CAMTA1: variants seen among roughly 807,000 people sequenced by gnomAD.
CAMTA1 encodes calmodulin binding transcription activator 1.
A neutral mutation model predicts 170.9 loss-of-function variants in CAMTA1; 27 were observed. The observed-to-expected ratio is 0.16, with a 90% CI of 0.12 to 0.22. The LOEUF (loss-of-function observed/expected upper bound fraction) is 0.22, where lower values mean the gene tolerates loss of function less well. Among genes scored for constraint, CAMTA1 ranks in the 10% least tolerant of loss-of-function variants. The pLI is 1.00. For synonymous variants in CAMTA1, 833 were observed against 891.5 expected (o/e 0.93, Z 1.17); for missense variants, 1,619 against 2,217.2 (o/e 0.73, Z 5.42).
intron 4 of CAMTA1, among the ~76,000 whole-genome samples, chr1:7,210,078 G>A (rs1658481290): frequency 6.6e-6 from 1 of 152,198 alleles, no homozygotes; most frequent in South Asian, 2.1e-4. Flanking sequence ...AATGGTCAAA[G>A]TCAGGAAAAT....
chr1:7,082,440 AATAGATAG>A (rs150422699), intron 3 of CAMTA1, among the ~76,000 whole-genome samples: 2,623 of 142,300 alleles, frequency 0.018, 39 homozygotes, highest in South Asian at 0.048. Flanking sequence ...TGCATCTCGA[AATAGATAG>A]ATAGATAGAT....
At chr1:6,945,073 T>C (rs1452546299) in intron 3 of CAMTA1, among the ~76,000 whole-genome samples, 3 of 152,238 alleles carry the variant, frequency 2.0e-5, no homozygotes, top group Non-Finnish European at 4.4e-5. Context: ...GGCAGGGATC[T>C]TGTGTGTTTT....
intron 3 of CAMTA1, among the ~76,000 whole-genome samples, chr1:6,842,810 G>A (rs755671965): frequency 7.8e-4 from 118 of 152,192 alleles, no homozygotes; most frequent in Non-Finnish European, 1.4e-3. Context: ...TGTAATCCCA[G>A]CTACTCGGGA....
chr1:7,297,134 T>A (rs1674070965), intron 5 of CAMTA1, among the ~76,000 whole-genome samples: 1 of 152,228 alleles, frequency 6.6e-6, no homozygotes, highest in Non-Finnish European at 1.5e-5. Flanking sequence ...AAAAAGCTCT[T>A]TGAGTTTGTT....
In CAMTA1 at chr1:7,253,731, G is replaced by A. The variant is rs147021882; in HGVS notation, c.438+4105G>A. On this transcript the variant is annotated intron_variant, in intron 5 of 22. Transcript: ENST00000303635. ...GTGGCAGAGCTGGTACTTGAGCCTGGGTCTGCTTGGTTCTAAAGCTCAAGC... is the reference window on the plus strand; with the variant it reads ...GTGGCAGAGCTGGTACTTGAGCCTGAGTCTGCTTGGTTCTAAAGCTCAAGC... Among the ~76,000 whole-genome samples the A allele has an allele frequency of 5.0e-3, 761 of 152,206 alleles. 14 individuals are homozygous for A. Among genetic ancestry groups the A allele is most frequent in the Admixed American group, 0.039 (591 of 15,278 alleles).
At chr1:7,709,173 T>C (rs74054231) in intron 11 of CAMTA1, among the ~76,000 whole-genome samples, 2,657 of 152,236 alleles carry the variant, frequency 0.017, 67 homozygotes, top group African/African-American at 0.061. Flanking sequence ...AAGCTTTTTT[T>C]CTCCCCTCCC....
intron 1 of CAMTA1, among the ~76,000 whole-genome samples, chr1:6,810,312 T>C (rs1432063838): frequency 1.3e-5 from 2 of 152,172 alleles, no homozygotes; most frequent in African/African-American, 2.4e-5. Flanking sequence ...GGCTCAGCTT[T>C]TCGCCAGCTG....
chr1:7,766,026 C>CAAAA (rs59692886), intron 22 of CAMTA1, among the ~76,000 whole-genome samples: 1 of 71,402 alleles, frequency 1.4e-5, no homozygotes, highest in African/African-American at 7.0e-5. Context: ...GATTCTGTCT[C>CAAAA]AAAAAAAAAA....
At chr1:7,101,752 CAT>C (rs1178405040) in intron 4 of CAMTA1, among the ~76,000 whole-genome samples, 2 of 152,216 alleles carry the variant, frequency 1.3e-5, no homozygotes, top group African/African-American at 2.4e-5. Context: ...CACATGTACA[CAT>C]GACACATATG....
chr1:7,146,411 A>G lies in CAMTA1; in HGVS notation c.302+55040A>G, dbSNP rs1646188489. Among the ~76,000 whole-genome samples the G allele has an allele frequency of 6.6e-6, 1 of 152,202 alleles. No homozygotes were observed. Among genetic ancestry groups the G allele is most frequent in the South Asian group, 2.1e-4 (1 of 4,836 alleles). On this transcript the variant is annotated intron_variant, in intron 4 of 22. Coordinates refer to ENST00000303635, the MANE Select transcript of CAMTA1 (RefSeq NM_015215.4). This position sits in a 1 kb window ranked among gnomAD's most constrained non-coding sequence, Gnocchi z 4.3. ...TGTGTAGGAAGGTTATCTTTCAATT[A>G]AGAAGGGCAGTAATGCTTCCCATCA...
intron 11 of CAMTA1, among the ~76,000 whole-genome samples, chr1:7,684,804 T>G (rs1448685827): frequency 2.6e-5 from 4 of 152,178 alleles, no homozygotes; most frequent in African/African-American, 9.7e-5. Context: ...AATGCAGGGC[T>G]CCATATCTTG....
intron 5 of CAMTA1, among the ~76,000 whole-genome samples, chr1:7,288,695 C>T (rs912590422): frequency 6.6e-6 from 1 of 152,134 alleles, no homozygotes; most frequent in Non-Finnish European, 1.5e-5. Flanking sequence ...GAGCAGTAAC[C>T]GTGAGATCCC....
chr1:7,203,033 T>A (rs1656998783), intron 4 of CAMTA1, among the ~76,000 whole-genome samples: 1 of 152,228 alleles, frequency 6.6e-6, no homozygotes, highest in African/African-American at 2.4e-5. Context: ...CTTTATTAGG[T>A]TGAGAAAGTT....
chr1:7,140,337 G>A (rs1055186178), intron 4 of CAMTA1, among the ~76,000 whole-genome samples: 2 of 152,094 alleles, frequency 1.3e-5, no homozygotes, highest in South Asian at 4.1e-4. Flanking sequence ...TTTTTCCCCT[G>A]AGAAAGTGGT....
intron 5 of CAMTA1, among the ~76,000 whole-genome samples, chr1:7,295,020 C>T (rs1210393474): frequency 6.6e-6 from 1 of 152,244 alleles, no homozygotes; most frequent in Admixed American, 6.5e-5. Flanking sequence ...ACCACCTCCG[C>T]TTTGCTGCCA....
Position 6,948,487 on chromosome 1 carries a change from A to G in CAMTA1, c.234+123277A>G, listed in dbSNP as rs528547673. Among the ~76,000 whole-genome samples, 58 of 152,266 alleles carry G rather than the reference A, an allele frequency of 3.8e-4. 1 individual carries two copies. Among genetic ancestry groups the G allele is most frequent in the African/African-American group, 1.3e-3 (56 of 41,538 alleles). Reference sequence around the variant, plus strand: ...AGTGTCTCGTTTCATCCTCTTAGCAACCCTGTCAGATAAGAAAGATGAGTT... The same window carrying G: ...AGTGTCTCGTTTCATCCTCTTAGCAGCCCTGTCAGATAAGAAAGATGAGTT... On this transcript the variant is annotated intron_variant, in intron 3 of 22. Coordinates refer to ENST00000303635, the MANE Select transcript of CAMTA1 (RefSeq NM_015215.4).
intron 4 of CAMTA1, among the ~76,000 whole-genome samples, chr1:7,182,333 G>A (rs774939891): frequency 1.1e-4 from 17 of 152,112 alleles, no homozygotes; most frequent in Admixed American, 2.6e-4. Context: ...TTGAGCCCAG[G>A]AGTTCGAGAC....
Position 7,664,850 on chromosome 1 carries a change from C to G in CAMTA1, c.2303C>G (p.Ser768Cys). 2 of 1,613,476 alleles carry G rather than the reference C, an allele frequency of 1.2e-6. No individual in the cohort carries two copies. The highest frequency in any genetic ancestry group is 1.6e-4 in the Middle Eastern group (1 of 6,062). Residue 768 changes from serine to cysteine, a missense_variant, in exon 9 of 23, where the codon TCC becomes TGC. Ser to Cys is a moderately radical substitution (Grantham distance 112, BLOSUM62 -1). This residue lies in a region of CAMTA1 where 731 missense variants were observed against 907.6 expected (regional missense o/e 0.81). Transcript: ENST00000303635. The stretch of plus-strand genomic sequence containing the variant: ...CTCAGCCTGGACCACTTTGACATCT[C>G]CTTCAGCAACCAGTTCTCCGACCTG... ...MELSLDHFDI[S>C]FSNQFSDLIN...
At chr1:6,817,335 C>A (rs773395983) in intron 1 of CAMTA1, among the ~76,000 whole-genome samples, 1 of 152,096 alleles carries the variant, frequency 6.6e-6, no homozygotes, top group East Asian at 1.9e-4. Flanking sequence ...TTTTTAACAT[C>A]GTAAAATTTC....
Sources: gnomAD v4.1 joint callset for allele counts (sites outside exome capture counted in the v4.1 genomes callset) on GRCh38, gnomAD v4.1.1 for gene constraint, gnomAD v4.1.1 regional missense constraint, Gnocchi (gnomAD v3.1) non-coding constraint, MANE v1.5 for transcripts, NCBI Gene and HGNC (gene_info 2026-07-23, HGNC 2026-07-21) for gene names.